The following PRL variants were observed in gnomAD, a reference collection of about 807,000 sequenced individuals.
PRL encodes the protein decidual prolactin.
PRL carries 24 observed loss-of-function variants against 21.3 expected under a neutral mutation model. The ratio of observed to expected loss-of-function variants is 1.13; its 90% confidence interval spans 0.82 to 1.59. The LOEUF (loss-of-function observed/expected upper bound fraction) is 1.59. PRL is among the 40% of genes most tolerant of loss of function. The pLI is 0.00. For synonymous variants in PRL, 118 were observed against 115.7 expected, an observed-to-expected ratio of 1.02 and a Z score of -0.13; for missense variants, 243 against 286.9, an observed-to-expected ratio of 0.85 and a Z score of 1.10.
chr6:22,296,822 T>C (rs1006933908), intron 1 of PRL, 133 bp downstream of exon 1: 3 of 951,556 alleles, frequency 3.2e-6, no homozygotes, highest in Non-Finnish European at 4.7e-6. Context: ...TAAAATTGCT[T>C]TCTAGAGGAA....
At chr6:22,289,978 T>C (rs1422487662) in intron 4 of PRL, among the ~76,000 whole-genome samples, 196 bp downstream of exon 4, 1 of 152,080 alleles carries the variant, frequency 6.6e-6, no homozygotes, top group East Asian at 1.9e-4. Flanking sequence ...AAATGACACC[T>C]GTCAAACAGC....
chr6:22,297,108 G>A (rs1337088523), upstream of PRL: 21 of 952,606 alleles, frequency 2.2e-5, no homozygotes, highest in Non-Finnish European at 3.2e-5. Context: ...TCAGGCATTC[G>A]TTTCCCTTTT....
At position 22,288,947 on chromosome 6, in the gene PRL, C is replaced by A. The variant is rs367900460; in HGVS notation, c.492+1227G>T. Among the ~76,000 whole-genome samples the A allele has an allele frequency of 1.3e-5, 2 of 150,998 alleles. No individual in the cohort carries two copies. The highest frequency in any genetic ancestry group is 4.9e-5 in the African/African-American group (2 of 41,062). Reference sequence around the variant, plus strand: ...GCGCGTGTGTGTGCATGTGTGTGTGCGTGCGCGTGTGTGTGCGTGTGTGTA... The same window carrying A: ...GCGCGTGTGTGTGCATGTGTGTGTGAGTGCGCGTGTGTGTGCGTGTGTGTA... On this transcript the variant is annotated intron_variant, in intron 4 of 4. Transcript: ENST00000306482. This position sits in a 1 kb window ranked among gnomAD's most constrained non-coding sequence, Gnocchi z 4.5.
At chr6:22,296,843 G>T in intron 1 of PRL, 112 bp downstream of exon 1, 1 of 1,158,530 alleles carries the variant, frequency 8.6e-7, no homozygotes, top group South Asian at 1.5e-5. Flanking sequence ...ACATAAGATT[G>T]TGCTTCTAAA....
intron 4 of PRL, among the ~76,000 whole-genome samples, chr6:22,287,810 G>A (rs1760954453): frequency 6.6e-6 from 1 of 152,174 alleles, no homozygotes; most frequent in Admixed American, 6.5e-5. Flanking sequence ...ACATCTATGG[G>A]ATCACAGATG....
upstream of PRL, chr6:22,297,325 A>G (rs1462768762): frequency 3.4e-6 from 1 of 290,962 alleles, no homozygotes; most frequent in Non-Finnish European, 6.4e-6. Flanking sequence ...ATAAAACTAC[A>G]GAAGTCATTT....
At position 22,288,881 on chromosome 6, in the gene PRL, T is replaced by TGCGCGTGTGTGTGCGTGTGTGCGC. The variant is rs1279915508; in HGVS notation, c.492+1269_493-1289dup. On this transcript the variant is annotated intron_variant, in intron 4 of 4. Transcript: ENST00000306482. The surrounding 1 kb of genome is among the most constrained non-coding windows in gnomAD (Gnocchi z 4.5). ...TAAAGTGTGTGTGTGTGTATGCGCGTGCGCGTGTGTGTGCGTGTGTGCGCG... is the reference window on the plus strand; with the variant it reads ...TAAAGTGTGTGTGTGTGTATGCGCGTGCGCGTGTGTGTGCGTGTGTGCGCGCGCGTGTGTGTGCGTGTGTGCGCG... 4.0e-5 allele frequency among the ~76,000 whole-genome samples: 6 copies of TGCGCGTGTGTGTGCGTGTGTGCGC among 151,886 alleles called. No homozygotes were observed. Among genetic ancestry groups the TGCGCGTGTGTGTGCGTGTGTGCGC allele is most frequent in the African/African-American group, 1.5e-4 (6 of 41,328 alleles).
At chr6:22,301,649 CT>C (rs773372111), upstream of PRL, among the ~76,000 whole-genome samples, 2 of 152,330 alleles carry the variant, frequency 1.3e-5, no homozygotes, top group Non-Finnish European at 2.9e-5. Context: ...AGAGCAGGCT[CT>C]TCAGAGAAAA....
chr6:22,287,498 A>G lies in PRL; in HGVS notation c.588T>C (p.Tyr196=). 1 of 1,614,198 alleles carries G rather than the reference A, an allele frequency of 6.2e-7. No individual in the cohort carries two copies. Among genetic ancestry groups the G allele is most frequent in the Non-Finnish European group, 8.5e-7 (1 of 1,180,012 alleles). ...TGCGTAGGCAGTGGAGCAGGTTATA[A>G]TAAGCAGAAAGGCGAGACTCTTCAT... is the stretch of plus-strand genomic sequence containing the variant. The part of the protein sequence containing the change: ...MADEESRLSA[Y]YNLLHCLRRD... The change falls in exon 5 of 5, where the codon TAT becomes TAC. Residue 196 remains tyrosine, a synonymous_variant. Coordinates refer to ENST00000306482, the MANE Select transcript of PRL (RefSeq NM_000948.6).
At chr6:22,293,673 GGGAA>G (rs1761109878) in intron 2 of PRL, among the ~76,000 whole-genome samples, 1 of 29,368 alleles carries the variant, frequency 3.4e-5, no homozygotes, top group Non-Finnish European at 7.0e-5. Flanking sequence ...GAAGGAAGGA[GGGAA>G]GGAAGGAAAA....
intron 1 of PRL, among the ~76,000 whole-genome samples, chr6:22,296,383 A>G (rs1761172992): frequency 6.6e-6 from 1 of 152,238 alleles, no homozygotes; most frequent in South Asian, 2.1e-4. Flanking sequence ...CCAAATTGAC[A>G]AAGAATAGGA....
chr6:22,287,807 T>C (rs1265617220), intron 4 of PRL, among the ~76,000 whole-genome samples: 1 of 152,210 alleles, frequency 6.6e-6, no homozygotes, highest in African/African-American at 2.4e-5. Flanking sequence ...CTGACATCTA[T>C]GGGATCACAG....
At chr6:22,301,559 A>C (rs564731179), upstream of PRL, among the ~76,000 whole-genome samples, 34 of 152,280 alleles carry the variant, frequency 2.2e-4, no homozygotes, top group African/African-American at 8.2e-4. Flanking sequence ...AGGGCCATGC[A>C]TGTGCTGACA....
At chr6:22,293,832 AG>A (rs1761116524) in intron 2 of PRL, among the ~76,000 whole-genome samples, 2 of 152,174 alleles carry the variant, frequency 1.3e-5, no homozygotes, top group African/African-American at 2.4e-5. Context: ...AGGAAAAGAA[AG>A]AAAAAAGCAC....
At chr6:22,290,545 A>T (rs1247162666) in intron 3 of PRL, among the ~76,000 whole-genome samples, 192 bp from the exon 4 acceptor site, 1 of 151,654 alleles carries the variant, frequency 6.6e-6, no homozygotes, top group Non-Finnish European at 1.5e-5. Flanking sequence ...TGCTAAAATT[A>T]AAAAAAAATC....
upstream of PRL, chr6:22,297,216 G>C: frequency 1.8e-6 from 1 of 554,838 alleles, no homozygotes; most frequent in East Asian, 3.0e-5. Context: ...ATACTGGCCA[G>C]AAATGAACAT....
upstream of PRL, among the ~76,000 whole-genome samples, chr6:22,297,982 C>T (rs1360937015): frequency 6.6e-6 from 1 of 152,130 alleles, no homozygotes; most frequent in Non-Finnish European, 1.5e-5. Context: ...CCTGTGGACC[C>T]ACTTCTAAGA....
At chr6:22,287,668 G>A (rs1309649795) in intron 4 of PRL, 75 bp from the exon 5 acceptor site, 4 of 1,272,240 alleles carry the variant, frequency 3.1e-6, no homozygotes, top group Non-Finnish European at 1.1e-6. Context: ...TCTAACTGTT[G>A]AATTAAGAAT....
chr6:22,301,520 C>G (rs1436789582), upstream of PRL, among the ~76,000 whole-genome samples: 1 of 152,204 alleles, frequency 6.6e-6, no homozygotes, highest in Non-Finnish European at 1.5e-5. Context: ...TGAGTCTGTA[C>G]TAAGTATTTT....
Sources: allele counts gnomAD v4.1 joint callset (sites outside exome capture counted in the v4.1 genomes callset), GRCh38; gene constraint gnomAD v4.1.1; non-coding constraint Gnocchi (gnomAD v3.1); transcripts MANE v1.5; gene names NCBI Gene and HGNC (gene_info 2026-07-23, HGNC 2026-07-21).